KCNN3: variants seen among roughly 807,000 people sequenced by gnomAD.
KCNN3 encodes potassium calcium-activated channel subfamily N member 3.
A neutral mutation model predicts 62.9 loss-of-function variants in KCNN3; 16 were observed. That is an observed-to-expected ratio of 0.25 (90% confidence interval 0.17 to 0.39). KCNN3 has a LOEUF of 0.39. KCNN3 is among the 10% of genes least tolerant of loss of function. The pLI, the probability that KCNN3 is intolerant of heterozygous loss-of-function variation, is 1.00. For missense variants in KCNN3, 599 were observed against 949.4 expected (o/e 0.63, Z 4.85); for synonymous variants, 370 against 389.2 (o/e 0.95, Z 0.58).
intron 5 of KCNN3, among the ~76,000 whole-genome samples, chr1:154,723,812 TGC>T (rs1276707159): frequency 1.3e-5 from 2 of 152,230 alleles, no homozygotes; most frequent in African/African-American, 4.8e-5. Flanking sequence ...CTCAGTAAAT[TGC>T]TTCAGGAAAA....
chr1:154,747,514 T>C (rs1380634474), intron 3 of KCNN3, among the ~76,000 whole-genome samples: 1 of 152,188 alleles, frequency 6.6e-6, no homozygotes, highest in African/African-American at 2.4e-5. Context: ...TTTTTTGTTA[T>C]GGCAGTTTCA....
At chr1:154,868,371 G>A (rs1227295662) in intron 1 of KCNN3, 2 of 988,578 alleles carry the variant, frequency 2.0e-6, no homozygotes, top group East Asian at 1.1e-4. Flanking sequence ...TTTACCCCAT[G>A]CCCTCAGGAG....
At chr1:154,827,819 C>T (rs11264269) in intron 1 of KCNN3, among the ~76,000 whole-genome samples, 38,322 of 148,642 alleles carry the variant, frequency 0.26, 5,032 homozygotes, top group Admixed American at 0.3. Flanking sequence ...ATAATAATAA[C>T]AACAACAATA....
intron 1 of KCNN3, among the ~76,000 whole-genome samples, chr1:154,849,071 T>C (rs1205546222): frequency 1.3e-5 from 2 of 152,162 alleles, no homozygotes; most frequent in Non-Finnish European, 2.9e-5. Flanking sequence ...GAACAAATGT[T>C]TGCTTCCCGA....
chr1:154,747,284 G>A (rs563774471), intron 3 of KCNN3, among the ~76,000 whole-genome samples: 35 of 152,126 alleles, frequency 2.3e-4, no homozygotes, highest in Admixed American at 1.4e-3. Context: ...CTGGTGTCCC[G>A]TCTTCCCCTC....
chr1:154,869,822 G>A lies in KCNN3; in HGVS notation c.143C>T (p.Pro48Leu), dbSNP rs1283694613. 6.4e-7 allele frequency: 1 copy of A among 1,563,408 alleles called. No individual in the cohort carries two copies. Among genetic ancestry groups the A allele is most frequent in the South Asian group, 1.2e-5 (1 of 85,464 alleles). Residue 48 changes from proline to leucine, a missense_variant, in exon 1 of 8, where the codon CCA (proline) becomes CTA (leucine). This residue lies in a region of KCNN3 where 59 missense variants were observed against 62.4 expected (regional missense o/e 0.95). Coordinates refer to ENST00000271915, the MANE Select transcript of KCNN3 (RefSeq NM_002249.6). The surrounding 1 kb of genome is among the most constrained non-coding windows in gnomAD (Gnocchi z 6.1). Reference protein sequence around the residue: ...QQQQPPPPAPPAAPQQPLGPS... With the variant: ...QQQQPPPPAPLAAPQQPLGPS... Reference sequence around the variant, plus strand: ...TCCCAGGGGCTGCTGGGGGGCTGCTGGTGGCGCTGGCGGTGGTGGCTGCTG... The same window carrying A: ...TCCCAGGGGCTGCTGGGGGGCTGCTAGTGGCGCTGGCGGTGGTGGCTGCTG...
At chr1:154,813,402 C>A (rs1272964167) in intron 2 of KCNN3, among the ~76,000 whole-genome samples, 1 of 152,062 alleles carries the variant, frequency 6.6e-6, no homozygotes, top group Non-Finnish European at 1.5e-5. Flanking sequence ...GATTCAGCCT[C>A]CCGGGCCGCC....
At chr1:154,793,270 G>T (rs775368966) in intron 2 of KCNN3, among the ~76,000 whole-genome samples, 16 of 152,202 alleles carry the variant, frequency 1.1e-4, no homozygotes, top group Non-Finnish European at 1.9e-4. Flanking sequence ...CCACAGCAAA[G>T]GCCCAGAGCC....
At chr1:154,753,719 A>C (rs1176048176) in intron 3 of KCNN3, among the ~76,000 whole-genome samples, 2 of 152,186 alleles carry the variant, frequency 1.3e-5, no homozygotes, top group African/African-American at 4.8e-5. Flanking sequence ...CGTGGTGAAA[A>C]ACAGAAGAGG....
At chr1:154,722,837 T>A (rs1700385282) in intron 5 of KCNN3, among the ~76,000 whole-genome samples, 1 of 152,158 alleles carries the variant, frequency 6.6e-6, no homozygotes, top group South Asian at 2.1e-4. Context: ...ATTCAAGCGA[T>A]TCTCCTGCCT....
intron 2 of KCNN3, among the ~76,000 whole-genome samples, chr1:154,781,454 G>A (rs1275219881): frequency 2.6e-5 from 4 of 152,168 alleles, no homozygotes; most frequent in Admixed American, 1.3e-4. Flanking sequence ...TTTCATGTAC[G>A]CCCAACATGG....
At position 154,791,301 on chromosome 1, in the gene KCNN3, T is replaced by C. The variant is rs1030975788; in HGVS notation, c.1030-18908A>G. On this transcript the variant is annotated intron_variant, in intron 2 of 7. Transcript: ENST00000271915. ...TATCATACCACTTTTTTTTTTTTTT[T>C]CTCAAAAAGACTGCTCTAAACTGAG... 1.7e-4 allele frequency among the ~76,000 whole-genome samples: 25 copies of C among 148,004 alleles called. No homozygotes were observed. The East Asian group carries it at 2.0e-3, about 12-fold the overall frequency.
At chr1:154,859,649 T>G in intron 1 of KCNN3, 1 of 1,589,364 alleles carries the variant, frequency 6.3e-7, no homozygotes, top group South Asian at 1.1e-5. Flanking sequence ...ACAGGTCATC[T>G]GCTTCCTCCT....
intron 1 of KCNN3, among the ~76,000 whole-genome samples, chr1:154,857,466 C>T (rs1344983846): frequency 3.3e-5 from 5 of 150,812 alleles, no homozygotes; most frequent in Admixed American, 6.6e-5. Context: ...GAGCACAAAA[C>T]ATCCCCTGAG....
chr1:154,705,521 C>T lies in KCNN3; in HGVS notation c.*2455G>A, dbSNP rs1234740869. 6.6e-6 allele frequency: 1 copy of T among 152,084 alleles called. No homozygotes were observed. The highest frequency in any genetic ancestry group is 1.5e-5 in the Non-Finnish European group (1 of 68,020). 9.4% of individuals were successfully genotyped at this position (152,084 alleles called of 1,614,324 possible). A position where few individuals can be genotyped will look rare whatever the true frequency, so the allele number is the denominator to read the frequency against. On this transcript the variant is annotated 3_prime_UTR_variant, in exon 8 of 8. Transcript: ENST00000271915. ...GTGGCTACTGCTACCAGAAATAACT[C>T]CAGTCACTCCCTTGACTAGTGTTGC...
rs1223334628 is a variant in KCNN3 at position 154,702,741 on chromosome 1, ATATATATGTACT to A, written c.*5223_*5234del. On this transcript the variant is annotated 3_prime_UTR_variant, in exon 8 of 8. Coordinates refer to ENST00000271915, the MANE Select transcript of KCNN3 (RefSeq NM_002249.6). ...TATATATATATATATATATATATATATATATATGTACTTTTTCTTTTTGGCTATAAATGTCAA... is the reference window on the plus strand; with the variant it reads ...TATATATATATATATATATATATATATTTTCTTTTTGGCTATAAATGTCAA... The A allele has an allele frequency of 8.7e-6, 1 of 114,758 alleles. No individual in the cohort carries two copies. Among genetic ancestry groups the A allele is most frequent in the Admixed American group, 8.5e-5 (1 of 11,748 alleles). The allele number at this position is 114,758 out of a possible 1,614,324, so 7.1% of individuals were successfully genotyped here.
chr1:154,867,283 A>G (rs1011889023), intron 1 of KCNN3, among the ~76,000 whole-genome samples: 1 of 152,200 alleles, frequency 6.6e-6, no homozygotes, highest in Non-Finnish European at 1.5e-5. Context: ...GCAGACGCAG[A>G]GGCTCATTAC....
At chr1:154,767,399 G>A (rs74859699) in intron 3 of KCNN3, among the ~76,000 whole-genome samples, 3,511 of 152,266 alleles carry the variant, frequency 0.023, 67 homozygotes, top group Non-Finnish European at 0.037. Flanking sequence ...GGTCCGAAGG[G>A]AATCCACTCA....
Position 154,700,661 on chromosome 1 carries a change from G to A in KCNN3, c.*7315C>T, listed in dbSNP as rs1244869951. The A allele has an allele frequency of 1.3e-5, 2 of 152,036 alleles. No homozygotes were observed. The highest frequency in any genetic ancestry group is 4.8e-5 in the African/African-American group (2 of 41,364). 9.4% of individuals were successfully genotyped at this position (152,036 alleles called of 1,614,324 possible). ...ACTAAAAATACAAAAAAATTAGCTG[G>A]TCGTGGTGGCACGCACCTGTAATCC... On this transcript the variant is annotated 3_prime_UTR_variant, in exon 8 of 8. Transcript: ENST00000271915.
Sources: allele counts gnomAD v4.1 joint callset (sites outside exome capture counted in the v4.1 genomes callset), GRCh38; gene constraint gnomAD v4.1.1; regional missense constraint gnomAD v4.1.1; non-coding constraint Gnocchi (gnomAD v3.1); transcripts MANE v1.5; gene names NCBI Gene and HGNC (gene_info 2026-07-23, HGNC 2026-07-21).